GRB10: variants seen among roughly 807,000 people sequenced by gnomAD.
GRB10 encodes growth factor receptor-bound protein 10.
GRB10 carries 20 observed loss-of-function variants against 80.9 expected under a neutral mutation model. The ratio of observed to expected loss-of-function variants is 0.25; its 90% confidence interval spans 0.17 to 0.36. The LOEUF (loss-of-function observed/expected upper bound fraction) is 0.36. Ranked by LOEUF, GRB10 falls within the 10% of genes least tolerant of loss-of-function variation. The pLI, the probability that GRB10 is intolerant of heterozygous loss-of-function variation, is 1.00. For synonymous variants in GRB10, 291 were observed against 291.5 expected, an observed-to-expected ratio of 1.00 and a Z score of 0.02; for missense variants, 548 against 747.7, an observed-to-expected ratio of 0.73 and a Z score of 3.12.
intron 5 of GRB10, among the ~76,000 whole-genome samples, chr7:50,684,792 A>G (rs1459179080): frequency 6.6e-6 from 1 of 152,216 alleles, no homozygotes; most frequent in East Asian, 1.9e-4. Flanking sequence ...ATCTTTCCCA[A>G]GTCTTCCTTA....
At chr7:50,755,037 C>T (rs2074842930) in intron 3 of GRB10, among the ~76,000 whole-genome samples, 1 of 152,228 alleles carries the variant, frequency 6.6e-6, no homozygotes, top group Non-Finnish European at 1.5e-5. Flanking sequence ...GGAACCAACT[C>T]AGCTGTCACC....
At chr7:50,614,698 T>G in intron 12 of GRB10, 72 bp downstream of exon 12, 1 of 909,404 alleles carries the variant, frequency 1.1e-6, no homozygotes. Flanking sequence ...AATCAAGTGC[T>G]GGGCAAGAGA....
chr7:50,665,579 G>C (rs922346021), intron 7 of GRB10, among the ~76,000 whole-genome samples: 11 of 152,204 alleles, frequency 7.2e-5, no homozygotes, highest in African/African-American at 2.7e-4. Context: ...CTGCTCTCAG[G>C]GCTCCCCCTG....
intron 7 of GRB10, among the ~76,000 whole-genome samples, chr7:50,629,230 G>A (rs984861237): frequency 6.6e-6 from 1 of 151,890 alleles, no homozygotes; most frequent in Non-Finnish European, 1.5e-5. Context: ...CACTTTTCTT[G>A]TTCAAATCAG....
chr7:50,705,235 C>T (rs1246656387), intron 4 of GRB10: 1 of 985,196 alleles, frequency 1.0e-6, no homozygotes, highest in East Asian at 1.1e-4. Context: ...CAGACTCCAG[C>T]AGGGTCAGCT....
intron 8 of GRB10, among the ~76,000 whole-genome samples, chr7:50,624,236 C>T (rs2052450354): frequency 6.6e-6 from 1 of 152,214 alleles, no homozygotes; most frequent in Non-Finnish European, 1.5e-5. Context: ...GGCAAGTGCT[C>T]TCTACAAGGA....
intron 7 of GRB10, among the ~76,000 whole-genome samples, chr7:50,648,962 C>T (rs2057633287): frequency 6.6e-6 from 1 of 152,164 alleles, no homozygotes; most frequent in Admixed American, 6.5e-5. Flanking sequence ...CTTCTTCCTG[C>T]TCCTGAGTGG....
At chr7:50,614,987 G>A (rs967377147) in intron 11 of GRB10, 107 bp from the exon 12 acceptor site, 22 of 755,552 alleles carry the variant, frequency 2.9e-5, no homozygotes, top group African/African-American at 1.0e-4. Context: ...CACTTTCCCC[G>A]ATGACACTAT....
intron 6 of GRB10, among the ~76,000 whole-genome samples, chr7:50,670,532 G>C (rs961302827): frequency 7.9e-6 from 1 of 126,732 alleles, no homozygotes; most frequent in Non-Finnish European, 1.6e-5. Context: ...CATCGGGGGC[G>C]GGGGGCGGGG....
intron 5 of GRB10, among the ~76,000 whole-genome samples, chr7:50,700,111 C>A (rs1367424671): frequency 6.6e-6 from 1 of 152,004 alleles, no homozygotes; most frequent in African/African-American, 2.4e-5. Flanking sequence ...TGCACTCCAG[C>A]CTGGATGACA....
rs1323500249 is a variant in GRB10, at chr7:50,647,889, G to C, written c.505-20911C>G. 3.3e-5 allele frequency among the ~76,000 whole-genome samples: 5 copies of C among 152,312 alleles called. No individual in the cohort carries two copies. In the East Asian group the frequency reaches 9.7e-4, roughly 29 times the overall value. ...AGGAAGGGAATTGGGAATTCTGATGGGGGTACTGGTCTGCTGCTCTGAGAT... is the reference window on the plus strand; with the variant it reads ...AGGAAGGGAATTGGGAATTCTGATGCGGGTACTGGTCTGCTGCTCTGAGAT... On this transcript the variant is annotated intron_variant, in intron 7 of 18. Transcript: ENST00000401949.
At chr7:50,786,717 C>T (rs1044430254), upstream of GRB10, among the ~76,000 whole-genome samples, 1 of 152,210 alleles carries the variant, frequency 6.6e-6, no homozygotes, top group African/African-American at 2.4e-5. Flanking sequence ...ACATCTTGTG[C>T]ACCACTTTTT....
chr7:50,744,254 C>T (rs984643629), intron 3 of GRB10, among the ~76,000 whole-genome samples: 1 of 152,152 alleles, frequency 6.6e-6, no homozygotes, highest in Non-Finnish European at 1.5e-5. Flanking sequence ...CATCACAGGC[C>T]GGCAGGCTGG....
intron 7 of GRB10, among the ~76,000 whole-genome samples, chr7:50,631,193 G>T (rs1038937452): frequency 5.9e-5 from 9 of 152,092 alleles, no homozygotes; most frequent in African/African-American, 2.2e-4. Flanking sequence ...ACAGGCTCAG[G>T]GAATCTCATG....
At chr7:50,594,404 T>C (rs1205416251) in intron 18 of GRB10, among the ~76,000 whole-genome samples, 1 of 152,176 alleles carries the variant, frequency 6.6e-6, no homozygotes, top group Non-Finnish European at 1.5e-5. Context: ...CACTACACGA[T>C]TCTTGAGATC....
intron 7 of GRB10, among the ~76,000 whole-genome samples, chr7:50,659,818 G>A (rs1177642093): frequency 1.3e-5 from 2 of 152,220 alleles, no homozygotes; most frequent in Non-Finnish European, 2.9e-5. Context: ...CTACATGTGT[G>A]GGTTTTGCTT....
At chr7:50,628,321 C>G (rs1422896150) in intron 7 of GRB10, among the ~76,000 whole-genome samples, 1 of 152,186 alleles carries the variant, frequency 6.6e-6, no homozygotes, top group Non-Finnish European at 1.5e-5. Context: ...TCCGAGGCTC[C>G]CCGCTCTCTC....
At chr7:50,637,750 C>A (rs1383088484) in intron 7 of GRB10, among the ~76,000 whole-genome samples, 1 of 150,280 alleles carries the variant, frequency 6.7e-6, no homozygotes, top group African/African-American at 2.4e-5. Context: ...ATAGCCACAG[C>A]AATTCTAAGC....
chr7:50,605,497 G>A, intron 14 of GRB10, 91 bp from the exon 15 acceptor site: 1 of 1,070,154 alleles, frequency 9.3e-7, no homozygotes, highest in South Asian at 1.3e-5. Context: ...GGTCAGGAAA[G>A]GGGAGCAGGG....
Sources: gnomAD v4.1 joint callset for allele counts (sites outside exome capture counted in the v4.1 genomes callset) on GRCh38, gnomAD v4.1.1 for gene constraint, MANE v1.5 for transcripts, NCBI Gene and HGNC (gene_info 2026-07-23, HGNC 2026-07-21) for gene names.